TEK: variants seen among roughly 807,000 people sequenced by gnomAD.
The protein encoded by TEK is TEK receptor tyrosine kinase, also known as angiopoietin-1 receptor.
Under a neutral mutation model 131.8 loss-of-function variants are expected in TEK, and 43 were observed. The ratio of observed to expected loss-of-function variants is 0.33; its 90% CI spans 0.26 to 0.42. The LOEUF is 0.42. TEK is among the 10% of genes least tolerant of loss of function. TEK has a pLI of 1.00. For synonymous variants in TEK, 580 were observed against 491.6 expected, an observed-to-expected ratio of 1.18 and a Z score of -2.38; for missense variants, 1,162 against 1,384.4, an observed-to-expected ratio of 0.84 and a Z score of 2.55.
chr9:27,170,224 C>T (rs1823899450), intron 4 of TEK, among the ~76,000 whole-genome samples: 1 of 152,180 alleles, frequency 6.6e-6, no homozygotes, highest in Non-Finnish European at 1.5e-5. Context: ...TTACCTCCTA[C>T]TGGGTTCCTC....
At chr9:27,109,754 C>A in intron 1 of TEK, 112 bp downstream of exon 1, 1 of 1,007,336 alleles carries the variant, frequency 9.9e-7, no homozygotes, top group Non-Finnish European at 1.5e-6. Context: ...GTGGCTGTAG[C>A]AAAGGCACCA....
chr9:27,212,594 A>T, intron 16 of TEK, 113 bp from the exon 17 acceptor site: 1 of 1,108,944 alleles, frequency 9.0e-7, no homozygotes, highest in Non-Finnish European at 1.3e-6. Flanking sequence ...TGGTGTTGCT[A>T]GATGTGTTTT....
At chr9:27,228,458 TGAA>T (rs1199856621) in intron 22 of TEK, among the ~76,000 whole-genome samples, 153 bp downstream of exon 22, 1 of 152,114 alleles carries the variant, frequency 6.6e-6, no homozygotes. Flanking sequence ...CCCGCGACTT[TGAA>T]GAAGTTACAA....
chr9:27,224,635 C>A (rs11515105), intron 21 of TEK, among the ~76,000 whole-genome samples: 21,166 of 152,152 alleles, frequency 0.14, 1,856 homozygotes, highest in Admixed American at 0.21. Context: ...TTATGACAAA[C>A]CCACAGCCAG....
In TEK at chr9:27,212,692, C is replaced by T. The variant is rs1383281873; in HGVS notation, c.2687-15C>T. ...AGGGCCACTGATGAGTCGATGCTCTCTTCCTTCCCTCCAGGCTACTTGTAC... is the reference window on the plus strand; with the variant it reads ...AGGGCCACTGATGAGTCGATGCTCTTTTCCTTCCCTCCAGGCTACTTGTAC... On this transcript the variant is annotated splice_polypyrimidine_tract_variant and intron_variant, in intron 16 of 22. Coordinates refer to ENST00000380036, the MANE Select transcript of TEK (RefSeq NM_000459.5). The T allele has an allele frequency of 6.2e-7, 1 of 1,614,044 alleles. No individual in the cohort carries two copies. The highest frequency in any genetic ancestry group is 1.3e-5 in the African/African-American group (1 of 75,034).
chr9:27,175,609 G>A (rs1824139562), intron 6 of TEK, among the ~76,000 whole-genome samples: 2 of 151,778 alleles, frequency 1.3e-5, no homozygotes, highest in African/African-American at 4.8e-5. Flanking sequence ...CACCAACAGT[G>A]TAAAAGTGTT....
At chr9:27,210,128 G>T (rs77600322) in intron 16 of TEK, among the ~76,000 whole-genome samples, 2 of 152,240 alleles carry the variant, frequency 1.3e-5, no homozygotes, top group South Asian at 2.1e-4. Context: ...ATCATTCTAT[G>T]ATCCAATAAG....
In TEK at chr9:27,204,930, G is replaced by A; in HGVS notation, c.2229G>A (p.Gly743=). 3 of 1,613,912 alleles carry A rather than the reference G, an allele frequency of 1.9e-6. No homozygotes were observed. The highest frequency in any genetic ancestry group is 1.1e-5 in the South Asian group (1 of 91,072). Residue 743 remains glycine (G), a synonymous_variant, in exon 14 of 23, where the codon GGG becomes GGA. Coordinates refer to ENST00000380036, the MANE Select transcript of TEK (RefSeq NM_000459.5). ...PESQAPADLG[G]GKMLLIAILG... ...GCACAGCACCAGCGGACCTCGGAGGGGGGAAGATGCTGCTTATAGCCATCC... is the reference window on the plus strand; with the variant it reads ...GCACAGCACCAGCGGACCTCGGAGGAGGGAAGATGCTGCTTATAGCCATCC...
Position 27,229,401 on chromosome 9 carries a change from GCTCTGA to G in TEK, c.*174_*179del. 5.6e-6 allele frequency: 4 copies of G among 708,362 alleles called. No individual in the cohort carries two copies. Among genetic ancestry groups the G allele is most frequent in the Non-Finnish European group, 5.1e-6 (2 of 389,780 alleles). 43.9% of individuals were successfully genotyped at this position (708,362 alleles called of 1,614,324 possible). On this transcript the variant is annotated 3_prime_UTR_variant, in exon 23 of 23. Coordinates refer to ENST00000380036, the MANE Select transcript of TEK (RefSeq NM_000459.5). ...TCCCATGCATGGATCTATGTAGTAT[GCTCTGA>G]CTCTAATAGGACTGTATATACTGTT... is the stretch of plus-strand genomic sequence containing the variant.
intron 1 of TEK, among the ~76,000 whole-genome samples, chr9:27,137,301 A>G (rs1333392784): frequency 6.6e-6 from 1 of 152,220 alleles, no homozygotes; most frequent in Non-Finnish European, 1.5e-5. Flanking sequence ...ATTGTGATTT[A>G]CTAATCAGAT....
At chr9:27,225,570 A>G (rs1826288372) in intron 21 of TEK, among the ~76,000 whole-genome samples, 1 of 152,192 alleles carries the variant, frequency 6.6e-6, no homozygotes, top group South Asian at 2.1e-4. Flanking sequence ...CCTTCCTTAC[A>G]CCTTATAAAA....
chr9:27,211,127 A>AT (rs1208425308), intron 16 of TEK, among the ~76,000 whole-genome samples: 3 of 144,048 alleles, frequency 2.1e-5, no homozygotes, highest in Non-Finnish European at 3.1e-5. Context: ...GTTTAAAAAA[A>AT]AATATATATA....
chr9:27,109,684 AACAG>A, intron 1 of TEK, 42 bp downstream of exon 1: 7 of 1,604,942 alleles, frequency 4.4e-6, no homozygotes, highest in Non-Finnish European at 6.0e-6. Context: ...TATTTTAAAA[AACAG>A]AGTTAGTGAT....
chr9:27,222,625 T>A (rs1826131571), intron 21 of TEK, among the ~76,000 whole-genome samples: 1 of 152,120 alleles, frequency 6.6e-6, no homozygotes, highest in Non-Finnish European at 1.5e-5. Flanking sequence ...GCTACATAAC[T>A]GAAGGAGAAA....
At chr9:27,120,019 C>G (rs978195443) in intron 1 of TEK, among the ~76,000 whole-genome samples, 1 of 152,134 alleles carries the variant, frequency 6.6e-6, no homozygotes, top group Non-Finnish European at 1.5e-5. Context: ...TGTCCAATAC[C>G]CCTTGCATCT....
chr9:27,218,468 A>G (rs1254474291), intron 19 of TEK, among the ~76,000 whole-genome samples: 1 of 152,164 alleles, frequency 6.6e-6, no homozygotes, highest in African/African-American at 2.4e-5. Flanking sequence ...ATTGGGTGGC[A>G]GAGATTGGAT....
intron 9 of TEK, 139 bp downstream of exon 9, chr9:27,185,768 A>G: frequency 8.6e-7 from 1 of 1,163,410 alleles, no homozygotes; most frequent in Admixed American, 2.0e-5. Context: ...AAAAAATTAT[A>G]TGCATGAAAC....
rs376915129 is a variant in TEK, at chr9:27,158,147, C to A, written c.364+5C>A. 2 of 1,613,910 alleles carry A rather than the reference C, an allele frequency of 1.2e-6. No individual in the cohort carries two copies. Among genetic ancestry groups the A allele is most frequent in the African/African-American group, 2.7e-5 (2 of 74,904 alleles). On this transcript the variant is annotated splice_donor_5th_base_variant and intron_variant, in intron 2 of 22. Transcript: ENST00000380036. ...CCATGAAGATGCGTCAACAAGGTAACATGCCCCTAAGTTTTGGGCAGGTGA... is the reference window on the plus strand; with the variant it reads ...CCATGAAGATGCGTCAACAAGGTAAAATGCCCCTAAGTTTTGGGCAGGTGA...
At chr9:27,115,369 C>T (rs1435768483) in intron 1 of TEK, among the ~76,000 whole-genome samples, 1 of 151,924 alleles carries the variant, frequency 6.6e-6, no homozygotes, top group African/African-American at 2.4e-5. Flanking sequence ...CATGGTGGCA[C>T]GTGCATGTAG....
Sources: allele counts gnomAD v4.1 joint callset (sites outside exome capture counted in the v4.1 genomes callset), GRCh38; gene constraint gnomAD v4.1.1; transcripts MANE v1.5; gene names NCBI Gene and HGNC (gene_info 2026-07-23, HGNC 2026-07-21).